Variants in STK3 observed in about 807,000 individuals in gnomAD.
STK3 encodes serine/threonine-protein kinase 3.
A neutral mutation model predicts 58.0 loss-of-function variants in STK3; 41 were observed. The observed-to-expected ratio is 0.71, with a 90% CI of 0.55 to 0.92. The LOEUF is 0.92. Ranked by LOEUF, STK3 falls within the 40% of genes least tolerant of loss-of-function variation. The probability of loss-of-function intolerance (pLI) is 0.00; values close to 1 mark genes in which losing one functional copy is unlikely to be tolerated. For missense variants in STK3, 479 were observed against 602.7 expected, an observed-to-expected ratio of 0.79 and a Z score of 2.15; for synonymous variants, 170 against 191.0, an observed-to-expected ratio of 0.89 and a Z score of 0.91.
At chr8:98,523,406 G>A (rs189950918) in intron 10 of STK3, among the ~76,000 whole-genome samples, 34 of 139,532 alleles carry the variant, frequency 2.4e-4, no homozygotes, top group Non-Finnish European at 3.8e-4. Flanking sequence ...ACAGAGTCTC[G>A]CTCTGTCACC....
At chr8:98,824,297 C>T (rs1238143079) in intron 1 of STK3, among the ~76,000 whole-genome samples, 1 of 152,216 alleles carries the variant, frequency 6.6e-6, no homozygotes, top group Non-Finnish European at 1.5e-5. Flanking sequence ...CCTCCAGGTT[C>T]TCTAATGTCT....
intron 10 of STK3, among the ~76,000 whole-genome samples, chr8:98,486,415 G>T (rs955254022): frequency 2.0e-5 from 3 of 152,208 alleles, no homozygotes; most frequent in African/African-American, 7.2e-5. Context: ...GAAACACAGA[G>T]GATAAGGTGT....
intron 1 of STK3, among the ~76,000 whole-genome samples, chr8:98,441,526 C>T (rs1295687350): frequency 6.6e-6 from 1 of 152,208 alleles, no homozygotes; most frequent in Non-Finnish European, 1.5e-5. Flanking sequence ...TTCTAGCCCC[C>T]TCGTTTCTGG....
chr8:98,900,590 T>G (rs1182056388), intron 1 of STK3, among the ~76,000 whole-genome samples: 1 of 152,148 alleles, frequency 6.6e-6, no homozygotes. Context: ...TACACATAGT[T>G]TTTTGTATAT....
At chr8:98,376,396 T>C (rs1003928332) in intron 2 of STK3, among the ~76,000 whole-genome samples, 2 of 152,202 alleles carry the variant, frequency 1.3e-5, no homozygotes, top group Non-Finnish European at 2.9e-5. Context: ...CTTAGCTGTG[T>C]CTGTCTCAGA....
upstream of STK3, among the ~76,000 whole-genome samples, chr8:98,825,900 G>A (rs1168474243): frequency 6.9e-6 from 1 of 144,158 alleles, no homozygotes; most frequent in African/African-American, 2.5e-5. Flanking sequence ...AGCCTGCGGC[G>A]GCGGCCCAGA....
intron 6 of STK3, among the ~76,000 whole-genome samples, chr8:98,681,162 C>T (rs2130896164): frequency 6.6e-6 from 1 of 152,074 alleles, no homozygotes; most frequent in Non-Finnish European, 1.5e-5. Flanking sequence ...CCACACACGG[C>T]TAATTTTTGT....
In STK3 at chr8:98,851,175, A is replaced by G. The variant is rs191691237; in HGVS notation, c.110+32472T>C. On this transcript the variant is annotated intron_variant, in intron 3 of 12. Coordinates refer to the STK3 transcript ENST00000523601. ...GGAAGCAACACCCCCAACCATCAGCACTGACTTAAGTATAATTTCCATGAG... is the reference window on the plus strand; with the variant it reads ...GGAAGCAACACCCCCAACCATCAGCGCTGACTTAAGTATAATTTCCATGAG... 8.5e-3 allele frequency among the ~76,000 whole-genome samples: 1,294 copies of G among 152,232 alleles called. 12 individuals carry two copies. Among genetic ancestry groups the G allele is most frequent in the African/African-American group, 0.029 (1,216 of 41,526 alleles).
intron 1 of STK3, among the ~76,000 whole-genome samples, chr8:98,928,834 G>A (rs1470620296): frequency 6.6e-6 from 1 of 152,188 alleles, no homozygotes; most frequent in Non-Finnish European, 1.5e-5. Flanking sequence ...TGGACCAGAA[G>A]CAATTTCTAA....
chr8:98,501,972 T>C (rs984107579), intron 10 of STK3, among the ~76,000 whole-genome samples: 2 of 152,246 alleles, frequency 1.3e-5, no homozygotes, highest in African/African-American at 2.4e-5. Flanking sequence ...GGCGATGGCA[T>C]TGAATCTATA....
At chr8:98,908,572 G>T (rs112486796) in intron 1 of STK3, among the ~76,000 whole-genome samples, 2,248 of 152,260 alleles carry the variant, frequency 0.015, 54 homozygotes, top group African/African-American at 0.051. Flanking sequence ...ATGGCTGGGC[G>T]TGGTGGTTCA....
chr8:98,833,531 G>C (rs1198397369), intron 3 of STK3, among the ~76,000 whole-genome samples: 1 of 152,168 alleles, frequency 6.6e-6, no homozygotes, highest in Non-Finnish European at 1.5e-5. Context: ...GCTTTGCAGG[G>C]CCATTCCAAA....
intron 1 of STK3, among the ~76,000 whole-genome samples, chr8:98,911,052 T>C (rs749245443): frequency 2.0e-5 from 3 of 152,160 alleles, no homozygotes; most frequent in Non-Finnish European, 4.4e-5. Context: ...AAGAAACACA[T>C]GCTGGAAAAA....
In STK3 at chr8:98,488,774, C is replaced by A. The variant is rs199959975; in HGVS notation, c.1318-32774G>T. On this transcript the variant is annotated intron_variant, in intron 10 of 10. Coordinates refer to ENST00000419617, the MANE Select transcript of STK3 (RefSeq NM_006281.4). Reference sequence around the variant, plus strand: ...GAGAAGTGGTATGGTACATTGGTAGCTATCCCCTAATATCTATTCTACCTT... The same window carrying A: ...GAGAAGTGGTATGGTACATTGGTAGATATCCCCTAATATCTATTCTACCTT... Among the ~76,000 whole-genome samples the A allele has an allele frequency of 3.3e-5, 5 of 152,310 alleles. No homozygotes were observed. In the East Asian group the frequency reaches 7.7e-4, roughly 23 times the overall value.
intron 4 of STK3, among the ~76,000 whole-genome samples, chr8:98,712,728 G>C (rs573173864): frequency 2.0e-5 from 3 of 152,162 alleles, no homozygotes; most frequent in East Asian, 1.9e-4. Flanking sequence ...AGATCAACAA[G>C]ACAGAAAGTT....
chr8:98,887,944 T>C (rs1231312107), intron 1 of STK3, among the ~76,000 whole-genome samples: 14 of 152,154 alleles, frequency 9.2e-5, no homozygotes, highest in Admixed American at 9.2e-4. Flanking sequence ...TGCCAGACAG[T>C]TGGAGACCCA....
intron 4 of STK3, among the ~76,000 whole-genome samples, chr8:98,712,202 T>G (rs1174830751): frequency 6.6e-6 from 1 of 152,232 alleles, no homozygotes; most frequent in East Asian, 1.9e-4. Flanking sequence ...AGACCATGAA[T>G]GCTAGGAAGA....
At chr8:98,551,330 G>A (rs996303652) in intron 8 of STK3, among the ~76,000 whole-genome samples, 1 of 152,114 alleles carries the variant, frequency 6.6e-6, no homozygotes, top group African/African-American at 2.4e-5. Context: ...TTTTATAAAT[G>A]TAAGTACCCT....
At chr8:98,539,778 G>C (rs1336203677) in intron 9 of STK3, among the ~76,000 whole-genome samples, 2 of 151,840 alleles carry the variant, frequency 1.3e-5, no homozygotes, top group Non-Finnish European at 2.9e-5. Flanking sequence ...TTCTGAGATA[G>C]AGTCTTGCTC....
Sources: allele counts gnomAD v4.1 joint callset (sites outside exome capture counted in the v4.1 genomes callset), GRCh38; gene constraint gnomAD v4.1.1; transcripts MANE v1.5; gene names NCBI Gene and HGNC (gene_info 2026-07-23, HGNC 2026-07-21).